TCF7L1: variants seen among roughly 807,000 people sequenced by gnomAD.
The protein encoded by TCF7L1 is transcription factor 7 like 1, also known as transcription factor 7-like 1.
In TCF7L1, 18 loss-of-function variants were observed where a neutral mutation model predicts 63.7. The ratio of observed to expected loss-of-function variants is 0.28; its 90% CI spans 0.20 to 0.42. TCF7L1 has a LOEUF of 0.42. Ranked by LOEUF, TCF7L1 falls within the 10% of genes least tolerant of loss-of-function variation. TCF7L1 has a pLI of 1.00. For missense variants in TCF7L1, 654 were observed against 779.3 expected (o/e 0.84, Z 1.91); for synonymous variants, 355 against 340.9 (o/e 1.04, Z -0.46).
chr2:85,145,931 G>A (rs576430207), intron 3 of TCF7L1, among the ~76,000 whole-genome samples: 2 of 151,802 alleles, frequency 1.3e-5, no homozygotes, highest in African/African-American at 4.8e-5. Context: ...GGCTGGTCTC[G>A]AATGCCTGGG....
chr2:85,173,332 G>A (rs1264064316), intron 3 of TCF7L1, among the ~76,000 whole-genome samples: 1 of 151,968 alleles, frequency 6.6e-6, no homozygotes, highest in African/African-American at 2.4e-5. Context: ...CGGAGGGGGT[G>A]GGGGGCTCCA....
intron 3 of TCF7L1, among the ~76,000 whole-genome samples, chr2:85,173,598 G>A (rs1678604189): frequency 1.3e-5 from 2 of 152,154 alleles, no homozygotes; most frequent in African/African-American, 4.8e-5. Flanking sequence ...TCAAGAGACA[G>A]GGATATCGAA....
chr2:85,229,010 G>A lies in TCF7L1; in HGVS notation c.442-54485G>A, dbSNP rs1680015088. On this transcript the variant is annotated intron_variant, in intron 3 of 11. Coordinates refer to ENST00000282111, the MANE Select transcript of TCF7L1 (RefSeq NM_031283.3). ...CACTCCAGCCTGGGCGACAGAGAGAGACTCTGTCTCAAAAAAAAAAAAAAA... is the reference window on the plus strand; with the variant it reads ...CACTCCAGCCTGGGCGACAGAGAGAAACTCTGTCTCAAAAAAAAAAAAAAA... Among the ~76,000 whole-genome samples, 3 of 111,684 alleles carry A rather than the reference G, an allele frequency of 2.7e-5. No homozygotes were observed. In the Admixed American group the frequency reaches 3.2e-4, roughly 12 times the overall value. 73.3% of individuals were successfully genotyped at this position (111,684 alleles called of 152,430 possible).
chr2:85,189,107 A>G (rs895013973), intron 3 of TCF7L1, among the ~76,000 whole-genome samples: 2 of 152,076 alleles, frequency 1.3e-5, no homozygotes, highest in Non-Finnish European at 2.9e-5. Flanking sequence ...TGCTCCTCCA[A>G]CTGGTGGAGG....
At chr2:85,281,543 G>A (rs985860060) in intron 3 of TCF7L1, among the ~76,000 whole-genome samples, 3 of 152,200 alleles carry the variant, frequency 2.0e-5, no homozygotes, top group African/African-American at 7.2e-5. Flanking sequence ...TGTCGGGTGT[G>A]TGGGCTCTGG....
At chr2:85,213,075 AAGG>A (rs1679611787) in intron 3 of TCF7L1, among the ~76,000 whole-genome samples, 1 of 148,748 alleles carries the variant, frequency 6.7e-6, no homozygotes, top group Non-Finnish European at 1.5e-5. Context: ...CTGGTGACCC[AAGG>A]GAGGCCCAGA....
intron 7 of TCF7L1, 164 bp downstream of exon 7, chr2:85,304,502 C>T (rs1682058754): frequency 3.0e-6 from 2 of 661,700 alleles, no homozygotes; most frequent in African/African-American, 1.8e-5. Flanking sequence ...TCCCCACCCC[C>T]AGGTCAGAAT....
At chr2:85,194,102 A>T (rs1465609879) in intron 3 of TCF7L1, among the ~76,000 whole-genome samples, 1 of 152,152 alleles carries the variant, frequency 6.6e-6, no homozygotes, top group African/African-American at 2.4e-5. Context: ...GGCTGAAGAC[A>T]TGTGAATGAA....
intron 3 of TCF7L1, among the ~76,000 whole-genome samples, chr2:85,265,997 A>G (rs1457901935): frequency 1.3e-5 from 2 of 152,220 alleles, no homozygotes; most frequent in Admixed American, 6.5e-5. Flanking sequence ...CAAAATTACA[A>G]GTAAAAGTAG....
At chr2:85,290,857 CTT>C (rs888117513) in intron 4 of TCF7L1, among the ~76,000 whole-genome samples, 9 of 152,244 alleles carry the variant, frequency 5.9e-5, no homozygotes, top group African/African-American at 2.2e-4. Context: ...GAATAATCCT[CTT>C]TGGCACCATT....
chr2:85,242,023 C>CGG lies in TCF7L1; in HGVS notation c.442-41466_442-41465dup, dbSNP rs11428091. Reference sequence around the variant, plus strand: ...TTTTGGGCGGAGGGGGGCGGTGGTGCGGGGGGGCAAGAATAGATTTTTGAA... The same window carrying CGG: ...TTTTGGGCGGAGGGGGGCGGTGGTGCGGGGGGGGGCAAGAATAGATTTTTGAA... On this transcript the variant is annotated intron_variant, in intron 3 of 11. Coordinates refer to ENST00000282111, the MANE Select transcript of TCF7L1 (RefSeq NM_031283.3). 2.8e-3 allele frequency among the ~76,000 whole-genome samples: 385 copies of CGG among 139,628 alleles called. 1 individual carries two copies. The highest frequency in any genetic ancestry group is 4.3e-3 in the African/African-American group (158 of 37,150). The allele number at this position is 139,628 out of a possible 152,430, so 91.6% of individuals were successfully genotyped here.
chr2:85,212,357 G>C (rs191741040), intron 3 of TCF7L1, among the ~76,000 whole-genome samples: 1 of 152,158 alleles, frequency 6.6e-6, no homozygotes, highest in African/African-American at 2.4e-5. Context: ...CAGTACCTGC[G>C]TCCTGATCTT....
intron 3 of TCF7L1, among the ~76,000 whole-genome samples, chr2:85,214,399 TG>T (rs1365698387): frequency 6.6e-6 from 1 of 152,230 alleles, no homozygotes; most frequent in African/African-American, 2.4e-5. Flanking sequence ...CCAAAGCCAG[TG>T]CCAGCCGATA....
intron 3 of TCF7L1, among the ~76,000 whole-genome samples, chr2:85,148,771 A>AT (rs775984491): frequency 0.47 from 58,527 of 124,948 alleles, 14,618 homozygotes; most frequent in East Asian, 0.8. Flanking sequence ...ACAGTATTTA[A>AT]TTTTTTTTTT....
chr2:85,249,910 C>T (rs1680552111), intron 3 of TCF7L1, among the ~76,000 whole-genome samples: 1 of 152,148 alleles, frequency 6.6e-6, no homozygotes, highest in Non-Finnish European at 1.5e-5. Flanking sequence ...TTTCTTTATC[C>T]CACTATGTTG....
chr2:85,259,828 A>T (rs1680815515), intron 3 of TCF7L1, among the ~76,000 whole-genome samples: 1 of 152,098 alleles, frequency 6.6e-6, no homozygotes. Context: ...GGGGATGTTG[A>T]ATGAGGAAAG....
chr2:85,308,780 G>A (rs936140637), intron 11 of TCF7L1, among the ~76,000 whole-genome samples: 4 of 152,136 alleles, frequency 2.6e-5, no homozygotes, highest in Admixed American at 2.6e-4. Context: ...GTGGTCCTGT[G>A]AGACACTGAG....
intron 3 of TCF7L1, among the ~76,000 whole-genome samples, chr2:85,210,080 C>T (rs529242931): frequency 2.0e-5 from 3 of 152,292 alleles, no homozygotes; most frequent in African/African-American, 7.2e-5. Context: ...TGGATATAGT[C>T]TTCACAGGTC....
chr2:85,245,845 A>C (rs1558645023), intron 3 of TCF7L1, among the ~76,000 whole-genome samples: 2 of 151,872 alleles, frequency 1.3e-5, no homozygotes, highest in Non-Finnish European at 2.9e-5. Flanking sequence ...AAAAAAAAAA[A>C]AAACAGACCA....
Sources: gnomAD v4.1 joint callset for allele counts (sites outside exome capture counted in the v4.1 genomes callset) on GRCh38, gnomAD v4.1.1 for gene constraint, MANE v1.5 for transcripts, NCBI Gene and HGNC (gene_info 2026-07-23, HGNC 2026-07-21) for gene names.